ACOX3: variants seen among roughly 807,000 people sequenced by gnomAD.
ACOX3 encodes peroxisomal acyl-coenzyme A oxidase 3.
ACOX3 carries 73 observed loss-of-function variants against 81.5 expected under a neutral mutation model. That is an observed-to-expected ratio of 0.90 (90% confidence interval 0.74 to 1.09). ACOX3 has a LOEUF of 1.09. Ranked by LOEUF, ACOX3 falls within the 50% of genes least tolerant of loss-of-function variation. The probability of loss-of-function intolerance (pLI) is 0.00; values close to 1 mark genes in which losing one functional copy is unlikely to be tolerated. For synonymous variants in ACOX3, 387 were observed against 375.1 expected (o/e 1.03, Z -0.37); for missense variants, 947 against 928.0 (o/e 1.02, Z -0.27).
chr4:8,376,348 T>A (rs1361010620), intron 14 of ACOX3, among the ~76,000 whole-genome samples: 5 of 148,612 alleles, frequency 3.4e-5, no homozygotes, highest in African/African-American at 7.4e-5. Context: ...CTTTTAAAAT[T>A]AAAAAAAAAA....
chr4:8,398,506 G>A (rs1381110827), intron 8 of ACOX3, among the ~76,000 whole-genome samples: 8 of 152,048 alleles, frequency 5.3e-5, no homozygotes, highest in Non-Finnish European at 8.8e-5. Context: ...TTTTGAGACA[G>A]GGTCTCGCTC....
chr4:8,405,485 C>T lies in ACOX3; in HGVS notation c.776+470G>A, dbSNP rs780536041. Among the ~76,000 whole-genome samples the T allele has an allele frequency of 1.3e-5, 2 of 152,234 alleles. No homozygotes were observed. Among genetic ancestry groups the T allele is most frequent in the Non-Finnish European group, 2.9e-5 (2 of 68,044 alleles). On this transcript the variant is annotated intron_variant, in intron 7 of 17. Coordinates refer to ENST00000356406, the MANE Select transcript of ACOX3 (RefSeq NM_003501.3). This position sits in a 1 kb window ranked among gnomAD's most constrained non-coding sequence, Gnocchi z 7.1. ...TGGGCTGATTAAACAAATAAGCCAG[C>T]GGAATTCTCTTTCTAAGTGCTGTGA...
intron 14 of ACOX3, among the ~76,000 whole-genome samples, chr4:8,375,888 A>AC (rs1278034519): frequency 6.6e-6 from 1 of 152,092 alleles, no homozygotes; most frequent in Admixed American, 6.5e-5. Context: ...GTGTCTATGT[A>AC]CCCCATTTTC....
rs1724313904 is a variant in ACOX3 at position 8,437,340 on chromosome 4, G to C, written c.-15+3308C>G. Among the ~76,000 whole-genome samples, 1 of 151,934 alleles carries C rather than the reference G, an allele frequency of 6.6e-6. No individual in the cohort carries two copies. The highest frequency in any genetic ancestry group is 2.4e-5 in the African/African-American group (1 of 41,384). ...GCCAAGGGTTAAATTCCTCTCCCCG[G>C]CTCAGCTCTATCTAGAAAAAAAGAG... On this transcript the variant is annotated intron_variant, in intron 1 of 17. Coordinates refer to ENST00000356406, the MANE Select transcript of ACOX3 (RefSeq NM_003501.3). This position sits in a 1 kb window ranked among gnomAD's most constrained non-coding sequence, Gnocchi z 5.2.
chr4:8,358,718 C>T, the ACOX3 span, among the ~76,000 whole-genome samples: 3 of 152,172 alleles, frequency 2.0e-5, no homozygotes, highest in Non-Finnish European at 4.4e-5. Context: ...CCCACCAGCA[C>T]CATGACAGTT....
chr4:8,413,108 G>T (rs1329465947), intron 5 of ACOX3, among the ~76,000 whole-genome samples: 1 of 118,844 alleles, frequency 8.4e-6, no homozygotes, highest in Admixed American at 9.7e-5. Context: ...GCATCCATCT[G>T]TGGCCCATCT....
In ACOX3 at chr4:8,407,553, G is replaced by C. The variant is rs1036042215; in HGVS notation, c.688-1510C>G. On this transcript the variant is annotated intron_variant, in intron 6 of 17. Coordinates refer to ENST00000356406, the MANE Select transcript of ACOX3 (RefSeq NM_003501.3). The surrounding 1 kb of genome is among the most constrained non-coding windows in gnomAD (Gnocchi z 4.6). ...TACGTTATGCTGTTTCGAGCGCCCT[G>C]CTTTGTGGTGCTTTGCTGTGGCAGC... Among the ~76,000 whole-genome samples the C allele has an allele frequency of 2.0e-5, 3 of 152,222 alleles. No homozygotes were observed. Among genetic ancestry groups the C allele is most frequent in the African/African-American group, 7.2e-5 (3 of 41,466 alleles).
At position 8,373,584 on chromosome 4, in the gene ACOX3, C is replaced by G. The variant is rs779401309; in HGVS notation, c.1873G>C (p.Ala625Pro). The change falls in exon 16 of 18, where the codon GCC becomes CCC. Residue 625 changes from alanine to proline, a missense_variant. Ala to Pro is a conservative substitution (Grantham distance 27, BLOSUM62 -1). Transcript: ENST00000356406. ...GEQAGEVLES[A>P]VLALCSQLKD... ...ACCTGGGAACACAAAGCCAGGACGG[C>G]GCTCTCCAACACTTCTCCCGCCTGC... The G allele has an allele frequency of 6.2e-7, 1 of 1,613,694 alleles. No homozygotes were observed. The highest frequency in any genetic ancestry group is 8.5e-7 in the Non-Finnish European group (1 of 1,179,898).
At chr4:8,424,502 G>A (rs894768764) in intron 1 of ACOX3, among the ~76,000 whole-genome samples, 1 of 152,350 alleles carries the variant, frequency 6.6e-6, no homozygotes, top group Non-Finnish European at 1.5e-5. Context: ...CATTGTTTAT[G>A]GGTAATGGCA....
At chr4:8,425,870 CG>C (rs1337647375) in intron 1 of ACOX3, among the ~76,000 whole-genome samples, 1 of 152,048 alleles carries the variant, frequency 6.6e-6, no homozygotes, top group African/African-American at 2.4e-5. Context: ...CAGCGAGTAT[CG>C]CAGACGTTAC....
At chr4:8,422,821 T>C (rs1199923516) in intron 1 of ACOX3, among the ~76,000 whole-genome samples, 1 of 152,220 alleles carries the variant, frequency 6.6e-6, no homozygotes, top group Non-Finnish European at 1.5e-5. Flanking sequence ...AAATGCCTGA[T>C]AGGGCTTGCT....
intron 1 of ACOX3, among the ~76,000 whole-genome samples, chr4:8,422,810 C>T (rs956673641): frequency 2.0e-5 from 3 of 152,274 alleles, no homozygotes; most frequent in South Asian, 4.1e-4. Context: ...CTGGGCAAAT[C>T]AAATGCCTGA....
intron 13 of ACOX3, among the ~76,000 whole-genome samples, chr4:8,388,821 G>C (rs939684658): frequency 6.6e-6 from 1 of 152,186 alleles, no homozygotes; most frequent in Non-Finnish European, 1.5e-5. Flanking sequence ...AGGGCCCAGG[G>C]ACAGCAGCAG....
Position 8,406,209 on chromosome 4 carries a change from T to A in ACOX3, c.688-166A>T, listed in dbSNP as rs1390483071. On this transcript the variant is annotated intron_variant, in intron 6 of 17. Transcript: ENST00000356406. The surrounding 1 kb of genome is among the most constrained non-coding windows in gnomAD (Gnocchi z 5.6). ...ACATCCAAGTCCTAACCCCAGGACCTGGGAATGGAAGCTTATTTGGAAATA... is the reference window on the plus strand; with the variant it reads ...ACATCCAAGTCCTAACCCCAGGACCAGGGAATGGAAGCTTATTTGGAAATA... Among the ~76,000 whole-genome samples the A allele has an allele frequency of 6.6e-6, 1 of 152,210 alleles. No homozygotes were observed. The highest frequency in any genetic ancestry group is 1.5e-5 in the Non-Finnish European group (1 of 68,034).
rs755749089 is a variant in ACOX3, at chr4:8,406,074, C to T, written c.688-31G>A. ...CAAAGCCACAGAAAGCAGCAAACAG[C>T]AACTGTTACAATCACACAAAAATCA... is the stretch of plus-strand genomic sequence containing the variant. On this transcript the variant is annotated intron_variant, in intron 6 of 17. Transcript: ENST00000356406. The surrounding 1 kb of genome is among the most constrained non-coding windows in gnomAD (Gnocchi z 5.6). 6.3e-7 allele frequency: 1 copy of T among 1,594,368 alleles called. No homozygotes were observed. Among genetic ancestry groups the T allele is most frequent in the South Asian group, 1.1e-5 (1 of 90,654 alleles).
chr4:8,399,418 C>T lies in ACOX3; in HGVS notation c.873+138G>A, dbSNP rs909799968. On this transcript the variant is annotated intron_variant, in intron 8 of 17. Coordinates refer to ENST00000356406, the MANE Select transcript of ACOX3 (RefSeq NM_003501.3). This position sits in a 1 kb window ranked among gnomAD's most constrained non-coding sequence, Gnocchi z 4.9. Reference sequence around the variant, plus strand: ...CTAGCGGGAGCACCAGAACCCGAGCCAGGAGAAGTATGCCCCAGCGACACC... The same window carrying T: ...CTAGCGGGAGCACCAGAACCCGAGCTAGGAGAAGTATGCCCCAGCGACACC... The T allele has an allele frequency of 4.2e-6, 3 of 709,530 alleles. No individual in the cohort carries two copies. Among genetic ancestry groups the T allele is most frequent in the Non-Finnish European group, 7.0e-6 (3 of 425,676 alleles). The allele number at this position is 709,530 out of a possible 1,614,324, so 44.0% of individuals were successfully genotyped here.
intron 11 of ACOX3, 145 bp downstream of exon 11, chr4:8,392,188 C>T (rs1719074858): frequency 1.9e-6 from 2 of 1,053,914 alleles, no homozygotes; most frequent in African/African-American, 1.6e-5. Context: ...ACGGGGGTGG[C>T]TGGCTGTGTT....
chr4:8,381,582 C>T lies in ACOX3; in HGVS notation c.1563G>A (p.Leu521=), dbSNP rs765155172. Residue 521 remains leucine, a synonymous_variant, in exon 14 of 18, where the codon CTG becomes CTA. Transcript: ENST00000356406. This position sits in a 1 kb window ranked among gnomAD's most constrained non-coding sequence, Gnocchi z 4.3. The part of the protein sequence containing the change: ...SAVALAAYKW[L]VCYLLRETYQ... The stretch of plus-strand genomic sequence containing the variant: ...AAGTCTCTCGGAGCAGGTAGCAAAC[C>T]AGCCACTTGTATGCTGCCAGGGCGA... The T allele has an allele frequency of 2.2e-5, 36 of 1,613,730 alleles. No individual in the cohort carries two copies. Among genetic ancestry groups the T allele is most frequent in the Admixed American group, 5.0e-5 (3 of 59,992 alleles).
In ACOX3 at chr4:8,415,905, A is replaced by AG. The variant is rs1157509642; in HGVS notation, c.238dup (p.Leu80ProfsTer10). ...ATACTCGAAGATCCGCTTGCATCGA[A>AG]GGAAGTTCAGCTCGCGATACTTCTC... is the stretch of plus-strand genomic sequence containing the variant. On this transcript the variant is annotated frameshift_variant, in exon 3 of 18. Coordinates refer to ENST00000356406, the MANE Select transcript of ACOX3 (RefSeq NM_003501.3). LOFTEE classifies it high-confidence loss of function. 1 of 1,614,258 alleles carries AG rather than the reference A, an allele frequency of 6.2e-7. No individual in the cohort carries two copies. The highest frequency in any genetic ancestry group is 1.1e-5 in the South Asian group (1 of 91,086).
Sources: allele counts gnomAD v4.1 joint callset (sites outside exome capture counted in the v4.1 genomes callset), GRCh38; gene constraint gnomAD v4.1.1; non-coding constraint Gnocchi (gnomAD v3.1); transcripts MANE v1.5; gene names NCBI Gene and HGNC (gene_info 2026-07-23, HGNC 2026-07-21).